BNC2: variants seen among roughly 807,000 people sequenced by gnomAD.
BNC2 encodes basonuclin zinc finger protein 2, also known as zinc finger protein basonuclin-2.
A neutral mutation model predicts 76.3 loss-of-function variants in BNC2; 20 were observed. That is an observed-to-expected ratio of 0.26 (90% confidence interval 0.18 to 0.38). The LOEUF (loss-of-function observed/expected upper bound fraction) is 0.38. Ranked by LOEUF, BNC2 falls within the 10% of genes least tolerant of loss-of-function variation. BNC2 has a pLI of 1.00. For missense variants in BNC2, 1,382 were observed against 1,399.8 expected (o/e 0.99, Z 0.20); for synonymous variants, 582 against 514.8 (o/e 1.13, Z -1.77).
intron 1 of BNC2, among the ~76,000 whole-genome samples, chr9:16,749,999 T>C (rs1825140723): frequency 1.3e-5 from 2 of 152,202 alleles, no homozygotes. Context: ...TTTATATTCA[T>C]TTACACTGCA....
intron 1 of BNC2, among the ~76,000 whole-genome samples, chr9:16,743,378 T>C (rs1035525201): frequency 2.0e-5 from 3 of 152,044 alleles, no homozygotes; most frequent in African/African-American, 7.3e-5. Flanking sequence ...TCCAACATTA[T>C]AAGGCATCTC....
rs1198176175 is a variant in BNC2 at position 16,414,228 on chromosome 9, T to G, written c.*4761A>C. ...CTACGATCAATACGCTCTCACCCAC[T>G]GCGAGGCAGAGCTATGCCAGTCTTT... On this transcript the variant is annotated 3_prime_UTR_variant, in exon 7 of 7. Transcript: ENST00000380672. The G allele has an allele frequency of 6.6e-6, 1 of 152,190 alleles. No homozygotes were observed. Among genetic ancestry groups the G allele is most frequent in the South Asian group, 2.1e-4 (1 of 4,822 alleles). The allele number at this position is 152,190 out of a possible 1,614,324, so 9.4% of individuals were successfully genotyped here.
chr9:16,752,448 T>A (rs1459161510), intron 1 of BNC2, among the ~76,000 whole-genome samples: 1 of 152,168 alleles, frequency 6.6e-6, no homozygotes, highest in Non-Finnish European at 1.5e-5. Context: ...AGTAGTTAAG[T>A]CAAATGAGAC....
chr9:16,591,156 C>T (rs1353295607), intron 3 of BNC2, among the ~76,000 whole-genome samples: 1 of 152,142 alleles, frequency 6.6e-6, no homozygotes, highest in Non-Finnish European at 1.5e-5. Context: ...AAGAAATCAG[C>T]TTCCTAACTG....
intron 1 of BNC2, among the ~76,000 whole-genome samples, chr9:16,812,638 C>A (rs1457780625): frequency 2.0e-5 from 3 of 152,130 alleles, no homozygotes; most frequent in African/African-American, 7.2e-5. Context: ...GACACATATT[C>A]CTCATAGGAC....
intron 1 of BNC2, among the ~76,000 whole-genome samples, chr9:16,746,590 C>A (rs751919699): frequency 8.6e-5 from 13 of 151,500 alleles, no homozygotes; most frequent in Non-Finnish European, 7.4e-5. Flanking sequence ...GTCTCGAACT[C>A]TTGGCCTCAA....
At chr9:16,481,970 G>A (rs1294034668) in intron 5 of BNC2, among the ~76,000 whole-genome samples, 1 of 152,100 alleles carries the variant, frequency 6.6e-6, no homozygotes, top group Non-Finnish European at 1.5e-5. Flanking sequence ...GAATTATACT[G>A]GATAATCTGA....
At chr9:16,595,590 G>T (rs142703766) in intron 3 of BNC2, among the ~76,000 whole-genome samples, 727 of 152,142 alleles carry the variant, frequency 4.8e-3, no homozygotes, top group Non-Finnish European at 7.2e-3. Context: ...CTAAAAGGTG[G>T]TTTTCTCAAA....
intron 3 of BNC2, among the ~76,000 whole-genome samples, chr9:16,722,321 G>C (rs922683462): frequency 3.9e-5 from 6 of 152,198 alleles, no homozygotes; most frequent in African/African-American, 1.4e-4. Flanking sequence ...AGGATTTGCC[G>C]TGGCTCTTAA....
chr9:16,494,398 G>A (rs929668302), intron 5 of BNC2, among the ~76,000 whole-genome samples: 36 of 152,032 alleles, frequency 2.4e-4, no homozygotes, highest in African/African-American at 8.7e-4. Context: ...TGATCCACCT[G>A]CCTTGGCCTC....
At chr9:16,791,147 C>T (rs980779043) in intron 1 of BNC2, among the ~76,000 whole-genome samples, 7 of 151,944 alleles carry the variant, frequency 4.6e-5, no homozygotes, top group African/African-American at 1.2e-4. Context: ...CTGTAAGCTC[C>T]GCCTCCCGGG....
At chr9:16,805,713 GCACACACACACACACA>G in intron 1 of BNC2, among the ~76,000 whole-genome samples, 1 of 149,218 alleles carries the variant, frequency 6.7e-6, no homozygotes, top group African/African-American at 2.4e-5. Flanking sequence ...TTGCATACAT[GCACACACACACACACA>G]CACACACGCA....
chr9:16,515,471 C>T (rs939246781), intron 5 of BNC2, among the ~76,000 whole-genome samples: 20 of 152,234 alleles, frequency 1.3e-4, no homozygotes, highest in African/African-American at 3.1e-4. Flanking sequence ...CACCCTCACC[C>T]GCCCTCTTCC....
intron 3 of BNC2, among the ~76,000 whole-genome samples, chr9:16,668,353 GACCTTTA>G (rs1822363775): frequency 6.6e-6 from 1 of 152,150 alleles, no homozygotes; most frequent in Admixed American, 6.5e-5. Context: ...CCTATGAAAA[GACCTTTA>G]GATGAGAAAT....
chr9:16,675,942 G>A (rs1433240951), intron 3 of BNC2, among the ~76,000 whole-genome samples: 1 of 152,062 alleles, frequency 6.6e-6, no homozygotes, highest in Non-Finnish European at 1.5e-5. Context: ...GTGCACGCCT[G>A]TAATCCCAGC....
chr9:16,496,099 G>C (rs747821346), intron 5 of BNC2, among the ~76,000 whole-genome samples: 9 of 151,786 alleles, frequency 5.9e-5, no homozygotes, highest in Non-Finnish European at 1.3e-4. Context: ...AGTAGAGACA[G>C]GGTTTCGCCA....
chr9:16,664,872 A>AC (rs1207126053), intron 3 of BNC2, among the ~76,000 whole-genome samples: 4 of 20,114 alleles, frequency 2.0e-4, no homozygotes, highest in African/African-American at 5.8e-4. Flanking sequence ...CACCTATACC[A>AC]TAAGCATTGT....
At chr9:16,786,102 A>G (rs934163293) in intron 1 of BNC2, among the ~76,000 whole-genome samples, 1 of 152,166 alleles carries the variant, frequency 6.6e-6, no homozygotes, top group African/African-American at 2.4e-5. Flanking sequence ...AAGTCAAAAG[A>G]GTGGAGTGGC....
chr9:16,536,604 C>A (rs1226760023), intron 5 of BNC2, among the ~76,000 whole-genome samples: 1 of 152,052 alleles, frequency 6.6e-6, no homozygotes, highest in East Asian at 1.9e-4. Context: ...TGTATTTAAG[C>A]CCTGTCTACA....
Sources: allele counts gnomAD v4.1 joint callset (sites outside exome capture counted in the v4.1 genomes callset), GRCh38; gene constraint gnomAD v4.1.1; transcripts MANE v1.5; gene names NCBI Gene and HGNC (gene_info 2026-07-23, HGNC 2026-07-21).